MMEL1: variants seen among roughly 807,000 people sequenced by gnomAD.
The protein encoded by MMEL1 is membrane metalloendopeptidase like 1.
MMEL1 carries 98 observed loss-of-function variants against 117.1 expected under a neutral mutation model. That is an observed-to-expected ratio of 0.84 (90% CI 0.71 to 0.99). MMEL1 has a LOEUF of 0.99. Ranked by LOEUF, MMEL1 falls within the 50% of genes least tolerant of loss-of-function variation. The pLI is 0.00. For synonymous variants in MMEL1, 390 were observed against 415.1 expected (o/e 0.94, Z 0.74); for missense variants, 1,014 against 1,049.1 (o/e 0.97, Z 0.46).
At chr1:2,617,847 C>T (rs1645228858) in intron 2 of MMEL1, among the ~76,000 whole-genome samples, 2 of 152,164 alleles carry the variant, frequency 1.3e-5, no homozygotes, top group Non-Finnish European at 2.9e-5. Context: ...ACAGGAAACA[C>T]AGTCAATGAT....
chr1:2,631,659 C>T (rs528947070), intron 1 of MMEL1, among the ~76,000 whole-genome samples: 15 of 152,236 alleles, frequency 9.9e-5, no homozygotes, highest in Admixed American at 7.8e-4. Context: ...TGAACCGCAG[C>T]GTTCATGCAT....
chr1:2,591,888 G>A (rs368918499), intron 22 of MMEL1, 44 bp downstream of exon 22: 1 of 1,577,924 alleles, frequency 6.3e-7, no homozygotes, highest in African/African-American at 1.3e-5. Flanking sequence ...CCAGAGATGA[G>A]TGGGGAAGCA....
At chr1:2,617,695 G>T (rs917881735) in intron 2 of MMEL1, among the ~76,000 whole-genome samples, 2 of 152,186 alleles carry the variant, frequency 1.3e-5, no homozygotes, top group African/African-American at 4.8e-5. Flanking sequence ...TTCCTTGGGG[G>T]AGTGGCAGGG....
At chr1:2,599,761 G>A (rs1464701398) in intron 11 of MMEL1, among the ~76,000 whole-genome samples, 3 of 151,460 alleles carry the variant, frequency 2.0e-5, no homozygotes, top group African/African-American at 7.3e-5. Flanking sequence ...GGAGGCTGAG[G>A]CATGAGAATC....
At chr1:2,610,327 G>A (rs1182753006) in intron 4 of MMEL1, among the ~76,000 whole-genome samples, 1 of 152,166 alleles carries the variant, frequency 6.6e-6, no homozygotes, top group African/African-American at 2.4e-5. Context: ...GGCATGAGTC[G>A]GCTGGGTTTT....
intron 19 of MMEL1, 45 bp downstream of exon 19, chr1:2,593,769 C>T (rs78027076): frequency 0.018 from 27,821 of 1,528,358 alleles, 305 homozygotes; most frequent in Admixed American, 0.025. Flanking sequence ...GCTGCTTCTC[C>T]GCGGAGAGGG....
intron 19 of MMEL1, 73 bp downstream of exon 19, chr1:2,593,740 GC>G (rs1644782333): frequency 1.4e-6 from 2 of 1,470,450 alleles, no homozygotes; most frequent in South Asian, 1.4e-5. Flanking sequence ...TGAATGGAGC[GC>G]CCCCAGGCCC....
At chr1:2,630,696 CG>C (rs1638518449) in intron 1 of MMEL1, among the ~76,000 whole-genome samples, 1 of 140,490 alleles carries the variant, frequency 7.1e-6, no homozygotes, top group African/African-American at 2.7e-5. Flanking sequence ...CGTGTACACT[CG>C]TGTGTGCACG....
Position 2,606,731 on chromosome 1 carries a change from GA to G in MMEL1, c.631+242del, listed in dbSNP as rs1645035253. 2.6e-5 allele frequency among the ~76,000 whole-genome samples: 4 copies of G among 152,270 alleles called. No individual in the cohort carries two copies. The South Asian group carries it at 8.3e-4, about 32-fold the overall frequency. ...GTGTCGAGCGCTCCTAGGGGCCGAG[GA>G]GGGGCACCCCTCTGCAGGGCTGGAT... On this transcript the variant is annotated intron_variant, in intron 7 of 23. Coordinates refer to ENST00000378412, the MANE Select transcript of MMEL1 (RefSeq NM_033467.4).
Position 2,604,135 on chromosome 1 carries a change from C to CCCCCCCCAAAAAAT in MMEL1, c.951+11_951+12insATTTTTTGGGGGGG. ...CTCGCTGCCCGCTCCCCACCCGCCC[C>CCCCCCCCAAAAAAT]GGCCCCCTTACCTTGGCCAGCTGTG... On this transcript the variant is annotated intron_variant, in intron 10 of 23. Coordinates refer to ENST00000378412, the MANE Select transcript of MMEL1 (RefSeq NM_033467.4). 2.7e-5 allele frequency: 41 copies of CCCCCCCCAAAAAAT among 1,520,074 alleles called. No individual in the cohort carries two copies. The highest frequency in any genetic ancestry group is 3.3e-5 in the Non-Finnish European group (36 of 1,100,274). The allele number at this position is 1,520,074 out of a possible 1,614,324, so 94.2% of individuals were successfully genotyped here. A position where few individuals can be genotyped will look rare whatever the true frequency, so the allele number is the denominator to read the frequency against.
At chr1:2,617,316 A>C (rs1570700312) in intron 2 of MMEL1, among the ~76,000 whole-genome samples, 1 of 150,588 alleles carries the variant, frequency 6.6e-6, no homozygotes. Flanking sequence ...AGTCCCAGCT[A>C]CTCGGGAGGC....
chr1:2,593,032 C>G, intron 19 of MMEL1, 66 bp from the exon 20 acceptor site: 1 of 1,581,260 alleles, frequency 6.3e-7, no homozygotes. Context: ...CCCACGGCAG[C>G]CACTGTGCCT....
intron 7 of MMEL1, among the ~76,000 whole-genome samples, chr1:2,606,650 G>A (rs1218452992): frequency 6.6e-6 from 1 of 152,136 alleles, no homozygotes; most frequent in Non-Finnish European, 1.5e-5. Flanking sequence ...TGGAGCACAT[G>A]CTCAGAGTGG....
At position 2,595,036 on chromosome 1, in the gene MMEL1, GGGGCAGCCCTGGCTGTGGGCATTTA is replaced by G; in HGVS notation, c.1585-168_1585-144del. 1.4e-6 allele frequency: 1 copy of G among 737,180 alleles called. No individual in the cohort carries two copies. Among genetic ancestry groups the G allele is most frequent in the East Asian group, 2.6e-5 (1 of 38,678 alleles). The allele number at this position is 737,180 out of a possible 1,614,324, so 45.7% of individuals were successfully genotyped here. On this transcript the variant is annotated intron_variant, in intron 16 of 23. Coordinates refer to ENST00000378412, the MANE Select transcript of MMEL1 (RefSeq NM_033467.4). This position sits in a 1 kb window ranked among gnomAD's most constrained non-coding sequence, Gnocchi z 4.8. Reference sequence around the variant, plus strand: ...CAGTCGGCTGTGGGTGCAGGTGAACGGGGCAGCCCTGGCTGTGGGCATTTACATGACTCTGAGCAAGTCCCTCGTC... The same window carrying G: ...CAGTCGGCTGTGGGTGCAGGTGAACGCATGACTCTGAGCAAGTCCCTCGTC...
At chr1:2,604,740 C>T (rs1644994173) in intron 9 of MMEL1, among the ~76,000 whole-genome samples, 1 of 152,156 alleles carries the variant, frequency 6.6e-6, no homozygotes, top group African/African-American at 2.4e-5. Flanking sequence ...GAAGTTTGCT[C>T]CTCAGGGAGC....
chr1:2,607,340 C>T lies in MMEL1; in HGVS notation c.536-271G>A, dbSNP rs1219449467. Among the ~76,000 whole-genome samples the T allele has an allele frequency of 6.6e-5, 10 of 152,148 alleles. 1 individual carries two copies. The Middle Eastern group carries it at 0.017, about 259-fold the overall frequency. The stretch of plus-strand genomic sequence containing the variant: ...GGGGCTGAGAAAAGCACATGAGCCC[C>T]GGGGGACAAAGAGGATGATGGGAGG... On this transcript the variant is annotated intron_variant, in intron 6 of 23. Coordinates refer to ENST00000378412, the MANE Select transcript of MMEL1 (RefSeq NM_033467.4).
Position 2,612,056 on chromosome 1 carries a change from G to C in MMEL1, c.232+71C>G. The stretch of plus-strand genomic sequence containing the variant: ...CAGAACCCAGCCCCTGCCCCTCCAC[G>C]GAGTCCCCCCACCTTGGGAGGCCAG... On this transcript the variant is annotated intron_variant, in intron 3 of 23. Coordinates refer to ENST00000378412, the MANE Select transcript of MMEL1 (RefSeq NM_033467.4). The surrounding 1 kb of genome is among the most constrained non-coding windows in gnomAD (Gnocchi z 5.4). The C allele has an allele frequency of 7.5e-7, 1 of 1,332,202 alleles. No homozygotes were observed. The highest frequency in any genetic ancestry group is 1.3e-5 in the South Asian group (1 of 79,452). The allele number at this position is 1,332,202 out of a possible 1,614,324, so 82.5% of individuals were successfully genotyped here.
Position 2,595,036 on chromosome 1 carries a change from G to T in MMEL1, c.1585-143C>A. 2.7e-6 allele frequency: 2 copies of T among 737,180 alleles called. No individual in the cohort carries two copies. The highest frequency in any genetic ancestry group is 2.6e-5 in the East Asian group (1 of 38,678). 45.7% of individuals were successfully genotyped at this position (737,180 alleles called of 1,614,324 possible). A position where few individuals can be genotyped will look rare whatever the true frequency, so the allele number is the denominator to read the frequency against. Reference sequence around the variant, plus strand: ...CAGTCGGCTGTGGGTGCAGGTGAACGGGGCAGCCCTGGCTGTGGGCATTTA... The same window carrying T: ...CAGTCGGCTGTGGGTGCAGGTGAACTGGGCAGCCCTGGCTGTGGGCATTTA... On this transcript the variant is annotated intron_variant, in intron 16 of 23. Coordinates refer to ENST00000378412, the MANE Select transcript of MMEL1 (RefSeq NM_033467.4). This position sits in a 1 kb window ranked among gnomAD's most constrained non-coding sequence, Gnocchi z 4.8.
At chr1:2,631,953 G>A (rs1390870140) in intron 1 of MMEL1, among the ~76,000 whole-genome samples, 3 of 152,284 alleles carry the variant, frequency 2.0e-5, no homozygotes, top group East Asian at 1.9e-4. Context: ...ATCAGAGGCC[G>A]TCACTCCCTG....
Sources: allele counts gnomAD v4.1 joint callset (sites outside exome capture counted in the v4.1 genomes callset), GRCh38; gene constraint gnomAD v4.1.1; non-coding constraint Gnocchi (gnomAD v3.1); transcripts MANE v1.5; gene names NCBI Gene and HGNC (gene_info 2026-07-23, HGNC 2026-07-21).